SLC24A3: variants seen among roughly 807,000 people sequenced by gnomAD.
The protein encoded by SLC24A3 is solute carrier family 24 member 3, also known as sodium/potassium/calcium exchanger 3.
In SLC24A3, 28 loss-of-function variants were observed where a neutral mutation model predicts 75.8. The observed-to-expected ratio is 0.37, with a 90% confidence interval of 0.27 to 0.51. The LOEUF (loss-of-function observed/expected upper bound fraction) is 0.51, where lower values mean the gene tolerates loss of function less well. Ranked by LOEUF, SLC24A3 falls within the 20% of genes least tolerant of loss-of-function variation. The probability of loss-of-function intolerance (pLI) is 0.94; values close to 1 mark genes in which losing one functional copy is unlikely to be tolerated. For synonymous variants in SLC24A3, 372 were observed against 334.1 expected, an observed-to-expected ratio of 1.11 and a Z score of -1.24; for missense variants, 663 against 847.8, an observed-to-expected ratio of 0.78 and a Z score of 2.71.
chr20:19,416,731 A>G (rs1446897100), intron 2 of SLC24A3, among the ~76,000 whole-genome samples: 2 of 152,246 alleles, frequency 1.3e-5, no homozygotes, highest in African/African-American at 4.8e-5. Context: ...GTTTGGAACC[A>G]AGAACCTTCA....
chr20:19,638,351 G>A (rs1177378617), intron 6 of SLC24A3, among the ~76,000 whole-genome samples: 1 of 152,130 alleles, frequency 6.6e-6, no homozygotes, highest in Non-Finnish European at 1.5e-5. Flanking sequence ...AGTGTATACC[G>A]CTGGGACATA....
At chr20:19,713,075 A>C (rs1319613100) in intron 15 of SLC24A3, among the ~76,000 whole-genome samples, 1 of 152,198 alleles carries the variant, frequency 6.6e-6, no homozygotes, top group Non-Finnish European at 1.5e-5. Flanking sequence ...TGAATGGTAC[A>C]ATTTTGTGGT....
chr20:19,431,713 A>T (rs879321102), intron 2 of SLC24A3, among the ~76,000 whole-genome samples: 2 of 123,156 alleles, frequency 1.6e-5, no homozygotes, highest in African/African-American at 6.8e-5. Flanking sequence ...CAAGAAATAG[A>T]TTCACTTCAA....
At chr20:19,660,350 C>T (rs2032313135) in intron 7 of SLC24A3, among the ~76,000 whole-genome samples, 1 of 151,720 alleles carries the variant, frequency 6.6e-6, no homozygotes, top group Non-Finnish European at 1.5e-5. Flanking sequence ...TTTGCATACA[C>T]ATAGCTTAGC....
chr20:19,388,863 A>G (rs979530089), intron 2 of SLC24A3, among the ~76,000 whole-genome samples: 2 of 152,098 alleles, frequency 1.3e-5, no homozygotes, highest in Non-Finnish European at 2.9e-5. Flanking sequence ...TCAGCCATTT[A>G]TATCTAAAGT....
chr20:19,706,039 C>T (rs1392550647), intron 15 of SLC24A3, among the ~76,000 whole-genome samples: 2 of 152,178 alleles, frequency 1.3e-5, no homozygotes, highest in Non-Finnish European at 2.9e-5. Flanking sequence ...ACTCATATTT[C>T]TAGCTAGGGC....
intron 15 of SLC24A3, among the ~76,000 whole-genome samples, chr20:19,704,179 ATG>A (rs2032902661): frequency 2.2e-5 from 2 of 90,268 alleles, no homozygotes; most frequent in African/African-American, 1.0e-4. Flanking sequence ...AGATGGATGG[ATG>A]GATGGAGAGA....
At chr20:19,595,469 C>G (rs1204877074) in intron 6 of SLC24A3, among the ~76,000 whole-genome samples, 1 of 152,070 alleles carries the variant, frequency 6.6e-6, no homozygotes, top group African/African-American at 2.4e-5. Flanking sequence ...TCTAGGGGTG[C>G]CTGGGTAGTC....
chr20:19,700,728 CG>C (rs1568703149), intron 15 of SLC24A3, among the ~76,000 whole-genome samples: 5 of 152,090 alleles, frequency 3.3e-5, no homozygotes, highest in South Asian at 4.1e-4. Flanking sequence ...TTATATCAAA[CG>C]TTTTTTCCTC....
intron 3 of SLC24A3, among the ~76,000 whole-genome samples, chr20:19,579,691 G>A (rs932315600): frequency 1.1e-4 from 16 of 152,282 alleles, no homozygotes; most frequent in South Asian, 6.2e-4. Flanking sequence ...GATGGCGTGA[G>A]CCAGTGGGAT....
rs1397769842 is a variant in SLC24A3 at position 19,679,142 on chromosome 20, C to CA, written c.768-2714dup. On this transcript the variant is annotated intron_variant, in intron 9 of 16. Coordinates refer to ENST00000328041, the MANE Select transcript of SLC24A3 (RefSeq NM_020689.4). ...CTGCACTCTGGGCACTTTGGGAGGCCAAGGCAGGCGGCTGGGAGGTGGAGG... is the reference window on the plus strand; with the variant it reads ...CTGCACTCTGGGCACTTTGGGAGGCCAAAGGCAGGCGGCTGGGAGGTGGAGG... Among the ~76,000 whole-genome samples the CA allele has an allele frequency of 8.5e-5, 13 of 152,100 alleles. No individual in the cohort carries two copies. In the East Asian group the frequency reaches 2.5e-3, roughly 30 times the overall value.
At chr20:19,392,084 A>G (rs1267915343) in intron 2 of SLC24A3, among the ~76,000 whole-genome samples, 2 of 152,188 alleles carry the variant, frequency 1.3e-5, no homozygotes, top group Non-Finnish European at 2.9e-5. Flanking sequence ...CACAGTAGGT[A>G]TACAATTAAT....
chr20:19,677,101 T>G (rs733270), intron 9 of SLC24A3, among the ~76,000 whole-genome samples: 43,499 of 152,038 alleles, frequency 0.29, 6,834 homozygotes, highest in African/African-American at 0.41. Flanking sequence ...CTGTATAGTA[T>G]TATTATCCTG....
At chr20:19,433,384 C>T (rs1320761421) in intron 2 of SLC24A3, among the ~76,000 whole-genome samples, 1 of 152,184 alleles carries the variant, frequency 6.6e-6, no homozygotes, top group East Asian at 1.9e-4. Flanking sequence ...GCAGGGAAAA[C>T]GCACCAAGAT....
chr20:19,280,662 G>C (rs118013121), intron 1 of SLC24A3, among the ~76,000 whole-genome samples: 1,781 of 152,350 alleles, frequency 0.012, 22 homozygotes, highest in Non-Finnish European at 0.021. Context: ...CTGGGAGCAG[G>C]GAATTGAGAC....
intron 2 of SLC24A3, among the ~76,000 whole-genome samples, chr20:19,417,085 AG>A (rs1986839298): frequency 1.3e-5 from 2 of 152,200 alleles, no homozygotes; most frequent in South Asian, 4.1e-4. Flanking sequence ...ACATACACAA[AG>A]GCCGATGGCA....
At chr20:19,605,983 A>G (rs1203123442) in intron 6 of SLC24A3, among the ~76,000 whole-genome samples, 2 of 152,188 alleles carry the variant, frequency 1.3e-5, no homozygotes, top group Admixed American at 1.3e-4. Flanking sequence ...ATATTCTAAA[A>G]GCCTAGAAAC....
At chr20:19,530,200 G>A (rs373355712) in intron 3 of SLC24A3, among the ~76,000 whole-genome samples, 45 of 152,174 alleles carry the variant, frequency 3.0e-4, no homozygotes, top group Non-Finnish European at 4.6e-4. Context: ...AAAGGGGAAC[G>A]GAAGGGGTCT....
intron 2 of SLC24A3, among the ~76,000 whole-genome samples, chr20:19,499,063 G>A (rs1327229618): frequency 6.6e-5 from 10 of 152,198 alleles, no homozygotes; most frequent in Non-Finnish European, 1.5e-4. Flanking sequence ...CAGGCAGTGA[G>A]TGTTGGAGCC....
Sources: allele counts gnomAD v4.1 joint callset (sites outside exome capture counted in the v4.1 genomes callset), GRCh38; gene constraint gnomAD v4.1.1; transcripts MANE v1.5; gene names NCBI Gene and HGNC (gene_info 2026-07-23, HGNC 2026-07-21).